The following GALNT17 variants were observed in gnomAD, a reference collection of about 807,000 sequenced individuals.
GALNT17 encodes the protein UDP-GalNAc:polypeptide N-acetylgalactosaminyltransferase-like 3.
Under a neutral mutation model 63.7 loss-of-function variants are expected in GALNT17, and 29 were observed. That is an observed-to-expected ratio of 0.46 (90% confidence interval 0.34 to 0.62). The LOEUF (loss-of-function observed/expected upper bound fraction) is 0.62, where lower values mean the gene tolerates loss of function less well. GALNT17 is among the 20% of genes least tolerant of loss of function. GALNT17 has a pLI of 0.01. For synonymous variants in GALNT17, 305 were observed against 318.3 expected (o/e 0.96, Z 0.45); for missense variants, 603 against 799.6 (o/e 0.75, Z 2.97).
chr7:71,657,688 A>G (rs1790848574), intron 6 of GALNT17, among the ~76,000 whole-genome samples: 1 of 152,206 alleles, frequency 6.6e-6, no homozygotes, highest in Non-Finnish European at 1.5e-5. Context: ...CCTGGAAATG[A>G]TATTAGAAGC....
intron 6 of GALNT17, among the ~76,000 whole-genome samples, chr7:71,664,129 C>T (rs1235943610): frequency 6.6e-6 from 1 of 152,034 alleles, no homozygotes; most frequent in Non-Finnish European, 1.5e-5. Flanking sequence ...CTGCCATCCC[C>T]ATGCAGAGGG....
At chr7:71,310,239 A>T (rs372575513) in intron 1 of GALNT17, among the ~76,000 whole-genome samples, 11 of 152,310 alleles carry the variant, frequency 7.2e-5, no homozygotes, top group African/African-American at 2.4e-4. Flanking sequence ...ATGGTTCACG[A>T]TGTCTCCAGG....
At chr7:71,330,851 A>G (rs1791795898) in intron 1 of GALNT17, among the ~76,000 whole-genome samples, 1 of 152,188 alleles carries the variant, frequency 6.6e-6, no homozygotes, top group African/African-American at 2.4e-5. Flanking sequence ...TTTGGTGGAA[A>G]TAGACAAGGG....
intron 3 of GALNT17, among the ~76,000 whole-genome samples, chr7:71,389,856 G>A (rs1204994218): frequency 1.3e-5 from 2 of 152,166 alleles, no homozygotes; most frequent in East Asian, 1.9e-4. Context: ...GGAATTCAGC[G>A]CTACTAGGAA....
intron 9 of GALNT17, among the ~76,000 whole-genome samples, chr7:71,682,587 C>G (rs1468302737): frequency 1.0e-5 from 1 of 99,810 alleles, no homozygotes; most frequent in African/African-American, 2.5e-5. Context: ...CTCTGTCACC[C>G]AAGCTCGAGT....
chr7:71,372,777 G>A (rs1375229794), intron 2 of GALNT17, among the ~76,000 whole-genome samples: 1 of 152,088 alleles, frequency 6.6e-6, no homozygotes, highest in Non-Finnish European at 1.5e-5. Context: ...GCTTTATATT[G>A]GATTGAATAT....
At chr7:71,372,387 A>T (rs866199349) in intron 2 of GALNT17, among the ~76,000 whole-genome samples, 1 of 151,558 alleles carries the variant, frequency 6.6e-6, no homozygotes, top group Non-Finnish European at 1.5e-5. Flanking sequence ...CTGGTCTCGA[A>T]CTCCTGACCT....
chr7:71,561,041 C>G (rs1789247194), intron 5 of GALNT17, among the ~76,000 whole-genome samples: 1 of 152,116 alleles, frequency 6.6e-6, no homozygotes, highest in South Asian at 2.1e-4. Context: ...GAGACAGAGT[C>G]TCGCTCTGTC....
intron 5 of GALNT17, among the ~76,000 whole-genome samples, chr7:71,556,701 A>G (rs1173881169): frequency 1.3e-5 from 2 of 151,998 alleles, no homozygotes; most frequent in Non-Finnish European, 2.9e-5. Context: ...CTGGGACTAC[A>G]AGCTCGAGCC....
chr7:71,150,472 G>A (rs796909251), intron 1 of GALNT17, among the ~76,000 whole-genome samples: 24 of 152,024 alleles, frequency 1.6e-4, no homozygotes, highest in African/African-American at 4.6e-4. Flanking sequence ...AAACTCCTAC[G>A]GGGTCCTTCA....
chr7:71,492,048 A>G (rs1788018756), intron 5 of GALNT17, among the ~76,000 whole-genome samples: 1 of 151,902 alleles, frequency 6.6e-6, no homozygotes, highest in African/African-American at 2.4e-5. Flanking sequence ...TTGGGAGGCC[A>G]AGGTGGGCAG....
intron 1 of GALNT17, among the ~76,000 whole-genome samples, chr7:71,242,371 G>A (rs1025642789): frequency 4.4e-4 from 65 of 146,552 alleles, no homozygotes; most frequent in African/African-American, 1.5e-3. Flanking sequence ...CTGGGTTCAC[G>A]CATTCTCCTG....
chr7:71,171,271 C>T (rs1030694114), intron 1 of GALNT17, among the ~76,000 whole-genome samples: 1 of 152,150 alleles, frequency 6.6e-6, no homozygotes, highest in Non-Finnish European at 1.5e-5. Context: ...TCCCAGTGCT[C>T]TGGGAGGCCA....
intron 5 of GALNT17, among the ~76,000 whole-genome samples, chr7:71,546,984 T>C (rs1788995037): frequency 6.6e-6 from 1 of 152,028 alleles, no homozygotes; most frequent in Admixed American, 6.6e-5. Context: ...TCTGTTTCTT[T>C]GGTTTTCTTT....
intron 1 of GALNT17, among the ~76,000 whole-genome samples, chr7:71,333,732 G>GTTCCCAAACCTGAGGACC (rs1791847631): frequency 6.6e-6 from 1 of 152,008 alleles, no homozygotes; most frequent in Admixed American, 6.6e-5. Flanking sequence ...AACTCCTCAG[G>GTTCCCAAACCTGAGGACC]TGATCACCTC....
At chr7:71,476,923 G>C (rs982721008) in intron 5 of GALNT17, among the ~76,000 whole-genome samples, 2 of 152,144 alleles carry the variant, frequency 1.3e-5, no homozygotes, top group Non-Finnish European at 2.9e-5. Flanking sequence ...CACAGGGTAG[G>C]GGGAGGCGCC....
At chr7:71,448,833 TAATA>T (rs975517209) in intron 5 of GALNT17, among the ~76,000 whole-genome samples, 3 of 152,164 alleles carry the variant, frequency 2.0e-5, no homozygotes, top group Non-Finnish European at 4.4e-5. Context: ...AATCATACCT[TAATA>T]AATAGTTTAA....
intron 9 of GALNT17, among the ~76,000 whole-genome samples, chr7:71,690,817 C>T (rs995047041): frequency 2.0e-5 from 3 of 152,018 alleles, no homozygotes; most frequent in East Asian, 1.9e-4. Flanking sequence ...AAATGGAGCC[C>T]GTAGATGGGA....
At chr7:71,377,343 T>TGATCAGTACAA (rs370731979) in intron 2 of GALNT17, among the ~76,000 whole-genome samples, 1 of 150,716 alleles carries the variant, frequency 6.6e-6, no homozygotes, top group East Asian at 2.0e-4. Flanking sequence ...AGCCAGTAGG[T>TGATCAGTACAA]GAATATTCGG....
Sources: gnomAD v4.1 joint callset for allele counts (sites outside exome capture counted in the v4.1 genomes callset) on GRCh38, gnomAD v4.1.1 for gene constraint, MANE v1.5 for transcripts, NCBI Gene and HGNC (gene_info 2026-07-23, HGNC 2026-07-21) for gene names.